Variants in ADAMTS18 observed in about 807,000 individuals in gnomAD.
ADAMTS18 encodes the protein ADAM metallopeptidase with thrombospondin type 1 motif 18.
A neutral mutation model predicts 165.9 loss-of-function variants in ADAMTS18; 157 were observed. The observed-to-expected ratio is 0.95, with a 90% confidence interval of 0.83 to 1.08. The LOEUF (loss-of-function observed/expected upper bound fraction) is 1.08, where lower values mean the gene tolerates loss of function less well. Ranked by LOEUF, ADAMTS18 falls within the 50% of genes least tolerant of loss-of-function variation. The pLI is 0.00. For synonymous variants in ADAMTS18, 782 were observed against 578.2 expected (o/e 1.35, Z -5.06); for missense variants, 2,040 against 1,534.0 (o/e 1.33, Z -5.51).
intron 3 of ADAMTS18, among the ~76,000 whole-genome samples, chr16:77,415,790 C>T (rs1033314648): frequency 2.0e-5 from 3 of 148,910 alleles, no homozygotes; most frequent in Admixed American, 6.7e-5. Context: ...AAAGACACGC[C>T]ATTGATGTTT....
chr16:77,412,306 G>A (rs1375788697), intron 3 of ADAMTS18, among the ~76,000 whole-genome samples: 1 of 152,084 alleles, frequency 6.6e-6, no homozygotes, highest in African/African-American at 2.4e-5. Context: ...TAACGCATGA[G>A]TCAAATAATA....
In ADAMTS18 at chr16:77,356,045, G is replaced by A. The variant is rs2056625589; in HGVS notation, c.1355C>T (p.Pro452Leu). Reference protein sequence around the residue: ...FGMIHDGEGNPCRKAEGNIMS... With the variant: ...FGMIHDGEGNLCRKAEGNIMS... ...GATATTGCCTTCAGCCTTTCTGCAGGGATTCCCTTCTCCATCGTGAATCAT... is the reference window on the plus strand; with the variant it reads ...GATATTGCCTTCAGCCTTTCTGCAGAGATTCCCTTCTCCATCGTGAATCAT... The change falls in exon 9 of 23, where the codon CCC becomes CTC. Residue 452 changes from proline (P) to leucine (L), a missense_variant. Transcript: ENST00000282849. 1 of 1,613,922 alleles carries A rather than the reference G, an allele frequency of 6.2e-7. No homozygotes were observed. Among genetic ancestry groups the A allele is most frequent in the East Asian group, 2.2e-5 (1 of 44,852 alleles).
intron 3 of ADAMTS18, among the ~76,000 whole-genome samples, chr16:77,415,222 T>C (rs760737161): frequency 5.9e-5 from 9 of 152,248 alleles, no homozygotes; most frequent in Non-Finnish European, 1.2e-4. Flanking sequence ...AATGCGCTTA[T>C]TGCACTATGC....
intron 3 of ADAMTS18, among the ~76,000 whole-genome samples, chr16:77,372,210 G>T (rs964893053): frequency 1.3e-5 from 2 of 152,096 alleles, no homozygotes; most frequent in Non-Finnish European, 2.9e-5. Flanking sequence ...TGGTATGAAG[G>T]ATCCTTTAAA....
Position 77,422,819 on chromosome 16 carries a change from C to T in ADAMTS18, c.495+8476G>A, listed in dbSNP as rs541253641. Among the ~76,000 whole-genome samples the T allele has an allele frequency of 5.3e-5, 8 of 152,262 alleles. No individual in the cohort carries two copies. In the South Asian group the frequency reaches 1.7e-3, roughly 32 times the overall value. On this transcript the variant is annotated intron_variant, in intron 3 of 22. Coordinates refer to ENST00000282849, the MANE Select transcript of ADAMTS18 (RefSeq NM_199355.4). The stretch of plus-strand genomic sequence containing the variant: ...ATCTCTACATTTTGATTCACACTAG[C>T]CACCCCACTTCCCTCCTTAGAATAC...
chr16:77,368,482 G>C (rs1244274852), intron 3 of ADAMTS18, among the ~76,000 whole-genome samples: 2 of 147,586 alleles, frequency 1.4e-5, no homozygotes, highest in African/African-American at 5.1e-5. Context: ...TGTCCCTTAG[G>C]TTGGAGTACA....
At chr16:77,418,257 T>A (rs1373048305) in intron 3 of ADAMTS18, among the ~76,000 whole-genome samples, 2 of 152,322 alleles carry the variant, frequency 1.3e-5, no homozygotes, top group East Asian at 1.9e-4. Flanking sequence ...AAATCATTAT[T>A]CATAATGACA....
At chr16:77,310,359 G>C (rs1242429614) in intron 16 of ADAMTS18, among the ~76,000 whole-genome samples, 1 of 152,150 alleles carries the variant, frequency 6.6e-6, no homozygotes, top group Non-Finnish European at 1.5e-5. Context: ...AGTACTTCAG[G>C]ACAGTAGTAT....
At position 77,288,448 on chromosome 16, in the gene ADAMTS18, T is replaced by C. The variant is rs150971484; in HGVS notation, c.3550+816A>G. 1.6e-3 allele frequency among the ~76,000 whole-genome samples: 245 copies of C among 152,102 alleles called. 1 individual carries two copies. The highest frequency in any genetic ancestry group is 5.7e-3 in the African/African-American group (238 of 41,496). The stretch of plus-strand genomic sequence containing the variant: ...ATTCTTTAGCACGAGGCAAGCAGAT[T>C]AGGCTGAAAGATATTTCCTGGCATT... On this transcript the variant is annotated intron_variant, in intron 22 of 22. Coordinates refer to ENST00000282849, the MANE Select transcript of ADAMTS18 (RefSeq NM_199355.4).
chr16:77,356,077 G>A lies in ADAMTS18; in HGVS notation c.1323C>T (p.Asn441=), dbSNP rs1038196812. The change falls in exon 9 of 23, where the codon AAC becomes AAT. Residue 441 remains asparagine, a splice_region_variant and synonymous_variant. Coordinates refer to ENST00000282849, the MANE Select transcript of ADAMTS18 (RefSeq NM_199355.4). ...CTTCTCCATCGTGAATCATACCAAA[G>A]CTGAAACAGAATGAAGAAAACAAAA... is the stretch of plus-strand genomic sequence containing the variant. ...AFTIAHESGH[N]FGMIHDGEGN... 3 of 1,613,902 alleles carry A rather than the reference G, an allele frequency of 1.9e-6. No homozygotes were observed. Among genetic ancestry groups the A allele is most frequent in the South Asian group, 1.1e-5 (1 of 91,082 alleles).
chr16:77,365,322 T>C (rs1303045629), intron 4 of ADAMTS18, among the ~76,000 whole-genome samples: 2 of 152,250 alleles, frequency 1.3e-5, no homozygotes, highest in Non-Finnish European at 2.9e-5. Context: ...GATCTAAATT[T>C]ATTATTTTTG....
chr16:77,429,951 T>G (rs2057718377), intron 3 of ADAMTS18, among the ~76,000 whole-genome samples: 1 of 152,182 alleles, frequency 6.6e-6, no homozygotes, highest in Admixed American at 6.5e-5. Context: ...TTAAACAATT[T>G]GTCTAAGGTC....
chr16:77,300,861 A>G (rs914753277), intron 16 of ADAMTS18, among the ~76,000 whole-genome samples: 1 of 152,144 alleles, frequency 6.6e-6, no homozygotes, highest in Non-Finnish European at 1.5e-5. Context: ...CTAGGTCACA[A>G]TTTACAAGCT....
At chr16:77,299,674 G>T (rs970067077) in intron 17 of ADAMTS18, among the ~76,000 whole-genome samples, 3 of 152,180 alleles carry the variant, frequency 2.0e-5, no homozygotes, top group Non-Finnish European at 4.4e-5. Flanking sequence ...ATGTGACATT[G>T]TTCACATCTA....
intron 3 of ADAMTS18, among the ~76,000 whole-genome samples, chr16:77,402,292 GTGAAAGGAATATTCCAC>G (rs991529872): frequency 6.6e-6 from 1 of 152,170 alleles, no homozygotes; most frequent in African/African-American, 2.4e-5. Context: ...TTCCTGCCCA[GTGAAAGGAATATTCCAC>G]TGGCAGATGT....
chr16:77,425,770 C>A (rs138864746), intron 3 of ADAMTS18, among the ~76,000 whole-genome samples: 1 of 152,030 alleles, frequency 6.6e-6, no homozygotes, highest in Non-Finnish European at 1.5e-5. Context: ...GGGCCGGGCA[C>A]GGTGGCTCAC....
chr16:77,284,819 G>A (rs1356005551), intron 22 of ADAMTS18, among the ~76,000 whole-genome samples: 1 of 152,004 alleles, frequency 6.6e-6, no homozygotes, highest in Non-Finnish European at 1.5e-5. Context: ...TGTCAGAGGG[G>A]AGCATTAAGG....
At chr16:77,355,309 C>T (rs932143503) in intron 9 of ADAMTS18, among the ~76,000 whole-genome samples, 3 of 151,470 alleles carry the variant, frequency 2.0e-5, no homozygotes, top group African/African-American at 7.3e-5. Context: ...ACTAATGCAA[C>T]TTAAGGTTTC....
chr16:77,348,149 C>T (rs781252567), intron 10 of ADAMTS18, among the ~76,000 whole-genome samples: 2 of 152,126 alleles, frequency 1.3e-5, no homozygotes, highest in African/African-American at 2.4e-5. Context: ...TCTGACTAAT[C>T]TTGCTCAGAT....
Sources: gnomAD v4.1 joint callset for allele counts (sites outside exome capture counted in the v4.1 genomes callset) on GRCh38, gnomAD v4.1.1 for gene constraint, MANE v1.5 for transcripts, NCBI Gene and HGNC (gene_info 2026-07-23, HGNC 2026-07-21) for gene names.